Variants in CNTN5 observed in about 807,000 individuals in gnomAD.
CNTN5 encodes the protein contactin 5.
In CNTN5, 77 loss-of-function variants were observed where a neutral mutation model predicts 129.1. That is an observed-to-expected ratio of 0.60 (90% CI 0.50 to 0.72). The LOEUF is 0.72. Ranked by LOEUF, CNTN5 falls within the 30% of genes least tolerant of loss-of-function variation. The pLI is 0.00. For missense variants in CNTN5, 1,478 were observed against 1,328.8 expected (o/e 1.11, Z -1.75); for synonymous variants, 509 against 465.6 (o/e 1.09, Z -1.20).
intron 13 of CNTN5, among the ~76,000 whole-genome samples, chr11:100,126,286 T>C (rs1946180993): frequency 6.6e-6 from 1 of 152,144 alleles, no homozygotes; most frequent in Non-Finnish European, 1.5e-5. Context: ...AGATGGAGTA[T>C]TCTGTAGATG....
rs530071666 is a variant in CNTN5, at chr11:99,902,230, G to A, written c.578-13824G>A. Among the ~76,000 whole-genome samples the A allele has an allele frequency of 3.5e-3, 497 of 142,824 alleles. 3 individuals carry two copies. Among genetic ancestry groups the A allele is most frequent in the Non-Finnish European group, 3.4e-3 (223 of 66,382 alleles). The allele number at this position is 142,824 out of a possible 152,430, so 93.7% of individuals were successfully genotyped here. Reference sequence around the variant, plus strand: ...CTACTCCTCTGTTTTTGTACAGCCCGCAAGCTAAGGAGTTTTTTTTTTTTT... The same window carrying A: ...CTACTCCTCTGTTTTTGTACAGCCCACAAGCTAAGGAGTTTTTTTTTTTTT... On this transcript the variant is annotated intron_variant, in intron 6 of 24. Transcript: ENST00000524871.
At position 99,706,672 on chromosome 11, in the gene CNTN5, T is replaced by G. The variant is rs147173528; in HGVS notation, c.56-112872T>G. Among the ~76,000 whole-genome samples the G allele has an allele frequency of 2.0e-5, 3 of 151,598 alleles. No homozygotes were observed. The East Asian group carries it at 5.8e-4, about 30-fold the overall frequency. ...GGGTAGAAGTCACTTTTAAACAATA[T>G]ACCTACTAATGATGTATCAACATTC... is the stretch of plus-strand genomic sequence containing the variant. On this transcript the variant is annotated intron_variant, in intron 3 of 24. Coordinates refer to ENST00000524871, the MANE Select transcript of CNTN5 (RefSeq NM_014361.4).
chr11:99,761,224 A>G (rs1944568991), intron 3 of CNTN5, among the ~76,000 whole-genome samples: 1 of 151,996 alleles, frequency 6.6e-6, no homozygotes, highest in Non-Finnish European at 1.5e-5. Context: ...ATCAAAGTAA[A>G]TCTTCAGGTA....
chr11:99,283,303 A>G (rs959785832), intron 1 of CNTN5, among the ~76,000 whole-genome samples: 1 of 152,074 alleles, frequency 6.6e-6, no homozygotes, highest in Non-Finnish European at 1.5e-5. Flanking sequence ...AATTTTAGCT[A>G]AAAATTTAGC....
chr11:99,330,127 A>AGGAGGAAAGAAGGGAAGAAT (rs1331514451), intron 2 of CNTN5, among the ~76,000 whole-genome samples: 10 of 143,536 alleles, frequency 7.0e-5, no homozygotes, highest in African/African-American at 2.5e-4. Flanking sequence ...AAGGGAAGAA[A>AGGAGGAAAGAAGGGAAGAAT]GGAAGAAAGA....
chr11:99,871,547 C>G (rs1948502671), intron 6 of CNTN5, among the ~76,000 whole-genome samples: 1 of 152,010 alleles, frequency 6.6e-6, no homozygotes, highest in South Asian at 2.1e-4. Flanking sequence ...GAAACTCCAA[C>G]TATCCAGCAT....
intron 3 of CNTN5, 65 bp downstream of exon 3, chr11:99,556,334 G>T (rs1948663841): frequency 2.1e-6 from 2 of 967,068 alleles, no homozygotes; most frequent in Non-Finnish European, 3.1e-6. Flanking sequence ...ATATATCAAG[G>T]TCTCCATTAC....
chr11:100,246,260 A>G (rs1245154354), intron 16 of CNTN5, among the ~76,000 whole-genome samples: 1 of 152,136 alleles, frequency 6.6e-6, no homozygotes, highest in Non-Finnish European at 1.5e-5. Flanking sequence ...TTTTCACAAT[A>G]ATGATATAAG....
At chr11:99,782,715 C>T (rs920395403) in intron 3 of CNTN5, among the ~76,000 whole-genome samples, 29 of 152,052 alleles carry the variant, frequency 1.9e-4, no homozygotes, top group African/African-American at 6.5e-4. Flanking sequence ...CTGAGAAAAA[C>T]AAGCAATGGG....
chr11:100,156,191 ATTTAGAGTT>A (rs1185633909), intron 13 of CNTN5, among the ~76,000 whole-genome samples: 14 of 152,242 alleles, frequency 9.2e-5, no homozygotes, highest in Admixed American at 7.9e-4. Context: ...TGCCTAGTTT[ATTTAGAGTT>A]TTTAGCATGA....
intron 8 of CNTN5, among the ~76,000 whole-genome samples, chr11:99,987,031 T>G (rs1209996000): frequency 6.6e-6 from 1 of 152,142 alleles, no homozygotes; most frequent in Non-Finnish European, 1.5e-5. Flanking sequence ...AAAATATAGA[T>G]TTTTTCATAA....
chr11:99,913,233 C>T (rs1949707087), intron 6 of CNTN5, among the ~76,000 whole-genome samples: 1 of 151,982 alleles, frequency 6.6e-6, no homozygotes, highest in African/African-American at 2.4e-5. Context: ...TTCACTCAGG[C>T]TATTCAGTCT....
At chr11:100,156,118 C>A (rs888891352) in intron 13 of CNTN5, among the ~76,000 whole-genome samples, 1 of 152,102 alleles carries the variant, frequency 6.6e-6, no homozygotes, top group Admixed American at 6.6e-5. Flanking sequence ...TGTGCCCATT[C>A]AGTATGATAC....
chr11:99,121,134 T>C (rs892215616), intron 1 of CNTN5, among the ~76,000 whole-genome samples: 2 of 121,688 alleles, frequency 1.6e-5, no homozygotes, highest in African/African-American at 6.7e-5. Flanking sequence ...TTTCTTTCTT[T>C]CTTTTTTTTT....
intron 1 of CNTN5, among the ~76,000 whole-genome samples, chr11:99,188,542 T>C (rs1245707827): frequency 1.3e-5 from 2 of 151,816 alleles, no homozygotes; most frequent in African/African-American, 2.4e-5. Context: ...ATGTTTACAA[T>C]CTGCAATTAT....
intron 1 of CNTN5, among the ~76,000 whole-genome samples, chr11:99,134,110 A>G (rs7110370): frequency 0.91 from 138,138 of 152,044 alleles, 63,004 homozygotes; most frequent in East Asian, 0.99. Flanking sequence ...CAGGGACATG[A>G]ATGAAGCTTG....
chr11:100,107,925 T>G (rs1433268976), intron 13 of CNTN5, among the ~76,000 whole-genome samples: 1 of 152,056 alleles, frequency 6.6e-6, no homozygotes, highest in Non-Finnish European at 1.5e-5. Context: ...AAGCAAAGTT[T>G]ATTTTAGATG....
At chr11:99,472,028 T>C (rs1440293581) in intron 2 of CNTN5, among the ~76,000 whole-genome samples, 2 of 152,090 alleles carry the variant, frequency 1.3e-5, no homozygotes, top group Non-Finnish European at 2.9e-5. Flanking sequence ...AGGAATAAAA[T>C]AGTAGTATAT....
intron 2 of CNTN5, among the ~76,000 whole-genome samples, chr11:99,458,692 A>G (rs1014013114): frequency 6.6e-6 from 1 of 152,032 alleles, no homozygotes; most frequent in Non-Finnish European, 1.5e-5. Flanking sequence ...TTGAGTTTGA[A>G]GCCCATAAGA....
Sources: gnomAD v4.1 joint callset for allele counts (sites outside exome capture counted in the v4.1 genomes callset) on GRCh38, gnomAD v4.1.1 for gene constraint, MANE v1.5 for transcripts, NCBI Gene and HGNC (gene_info 2026-07-23, HGNC 2026-07-21) for gene names.